The following SCFD2 variants were observed in gnomAD, a reference collection of about 807,000 sequenced individuals.
SCFD2 encodes the protein sec1 family domain-containing protein 2.
A neutral mutation model predicts 58.9 loss-of-function variants in SCFD2; 54 were observed. That is an observed-to-expected ratio of 0.92 (90% confidence interval 0.74 to 1.15). The LOEUF (loss-of-function observed/expected upper bound fraction) is 1.15, where lower values mean the gene tolerates loss of function less well. Among genes scored for constraint, SCFD2 ranks in the 50% most tolerant of loss-of-function variants. The pLI is 0.00. For synonymous variants in SCFD2, 321 were observed against 335.9 expected (o/e 0.96, Z 0.49); for missense variants, 805 against 836.6 (o/e 0.96, Z 0.47).
In SCFD2 at chr4:53,365,471, C is replaced by A; in HGVS notation, c.471G>T (p.Pro157=). 2 of 1,614,168 alleles carry A rather than the reference C, an allele frequency of 1.2e-6. No homozygotes were observed. The highest frequency in any genetic ancestry group is 1.7e-6 in the Non-Finnish European group (2 of 1,180,040). The change falls in exon 1 of 9, where the codon CCG becomes CCT. Residue 157 remains proline (P), a synonymous_variant. Transcript: ENST00000401642. This position sits in a 1 kb window ranked among gnomAD's most constrained non-coding sequence, Gnocchi z 4.3. ...MNYTAEVFHV[P]LLLAPVAPHF... Reference sequence around the variant, plus strand: ...GGGGAGCAACAGGGGCAAGCAATAACGGGACATGGAACACCTCGGCCGTGT... The same window carrying A: ...GGGGAGCAACAGGGGCAAGCAATAAAGGGACATGGAACACCTCGGCCGTGT...
At chr4:53,329,842 T>A (rs1205088809) in intron 2 of SCFD2, among the ~76,000 whole-genome samples, 2 of 148,758 alleles carry the variant, frequency 1.3e-5, no homozygotes, top group African/African-American at 4.9e-5. Context: ...AGTTGAAAAC[T>A]TTGAAAAAAA....
At chr4:53,184,217 C>T (rs1727674565) in intron 4 of SCFD2, among the ~76,000 whole-genome samples, 1 of 151,960 alleles carries the variant, frequency 6.6e-6, no homozygotes, top group Non-Finnish European at 1.5e-5. Context: ...CACATGGTTA[C>T]CTAGGGAAAA....
chr4:52,936,845 A>C (rs1355801522), intron 5 of SCFD2, among the ~76,000 whole-genome samples: 7 of 152,168 alleles, frequency 4.6e-5, no homozygotes, highest in Admixed American at 4.6e-4. Context: ...CTACTCCATT[A>C]TTTACTCAGT....
chr4:52,999,793 T>C lies in SCFD2; in HGVS notation c.1562-78923A>G, dbSNP rs528619862. ...AAAGAGAACACCATCTGTTGCATTA[T>C]GATCATCACGGTTCAAGGTCAGGCC... On this transcript the variant is annotated intron_variant, in intron 5 of 8. Coordinates refer to ENST00000401642, the MANE Select transcript of SCFD2 (RefSeq NM_152540.4). Among the ~76,000 whole-genome samples, 30 of 152,356 alleles carry C rather than the reference T, an allele frequency of 2.0e-4. No individual in the cohort carries two copies. In the South Asian group the frequency reaches 6.2e-3, roughly 32 times the overall value.
At chr4:53,321,931 C>G (rs1259164265) in intron 2 of SCFD2, among the ~76,000 whole-genome samples, 1 of 152,096 alleles carries the variant, frequency 6.6e-6, no homozygotes, top group Non-Finnish European at 1.5e-5. Flanking sequence ...CTGTGAGCAT[C>G]CTCCCACACC....
At chr4:53,134,338 T>C (rs1725876558) in intron 5 of SCFD2, among the ~76,000 whole-genome samples, 1 of 151,358 alleles carries the variant, frequency 6.6e-6, no homozygotes, top group African/African-American at 2.4e-5. Flanking sequence ...GATCTCATGT[T>C]AAGTGTTCTT....
At chr4:53,045,897 A>G (rs1354472469) in intron 5 of SCFD2, among the ~76,000 whole-genome samples, 1 of 151,858 alleles carries the variant, frequency 6.6e-6, no homozygotes, top group South Asian at 2.1e-4. Context: ...TAACTTCTTA[A>G]AATATAAATG....
chr4:53,218,674 G>A (rs114511657), intron 4 of SCFD2, among the ~76,000 whole-genome samples: 402 of 152,272 alleles, frequency 2.6e-3, no homozygotes, highest in African/African-American at 9.0e-3. Context: ...GCTTTCTTCC[G>A]TTGCTGGCGA....
intron 4 of SCFD2, among the ~76,000 whole-genome samples, chr4:53,238,183 AC>A (rs1225799082): frequency 9.5e-4 from 115 of 121,660 alleles, no homozygotes; most frequent in African/African-American, 3.5e-3. Context: ...CGGGGGGCTG[AC>A]CCCCCCACCT....
chr4:53,275,376 G>GT (rs757138631), intron 3 of SCFD2, among the ~76,000 whole-genome samples: 7 of 152,134 alleles, frequency 4.6e-5, no homozygotes, highest in Non-Finnish European at 8.8e-5. Context: ...AAGTAGGAGG[G>GT]TGAGTCTCAT....
At chr4:53,105,691 G>C (rs888606161) in intron 5 of SCFD2, among the ~76,000 whole-genome samples, 2 of 152,156 alleles carry the variant, frequency 1.3e-5, no homozygotes, top group Non-Finnish European at 1.5e-5. Context: ...CCCCAGTCAG[G>C]GGCTTATAGA....
chr4:53,200,568 T>C (rs981543103), intron 4 of SCFD2, among the ~76,000 whole-genome samples: 3 of 152,118 alleles, frequency 2.0e-5, no homozygotes, highest in African/African-American at 7.2e-5. Context: ...CAATAATCTG[T>C]TTCTGGAAAG....
chr4:53,295,492 C>T (rs1164504557), intron 3 of SCFD2, among the ~76,000 whole-genome samples: 4 of 152,128 alleles, frequency 2.6e-5, no homozygotes, highest in South Asian at 4.1e-4. Flanking sequence ...GACTTTGTAT[C>T]GTGAGACTTT....
chr4:53,029,982 A>T (rs1722575501), intron 5 of SCFD2, among the ~76,000 whole-genome samples: 4 of 152,212 alleles, frequency 2.6e-5, no homozygotes. Context: ...TGGTAAATTG[A>T]ATATAATAAA....
chr4:53,193,647 C>T (rs1241805630), intron 4 of SCFD2, among the ~76,000 whole-genome samples: 2 of 152,086 alleles, frequency 1.3e-5, no homozygotes, highest in Non-Finnish European at 2.9e-5. Context: ...AAGCCAAGAG[C>T]AGTTACTTAT....
At chr4:52,961,693 T>C (rs1170861824) in intron 5 of SCFD2, among the ~76,000 whole-genome samples, 3 of 152,204 alleles carry the variant, frequency 2.0e-5, no homozygotes, top group Admixed American at 2.0e-4. Context: ...GAGATGCCAC[T>C]GACGACTTAT....
At chr4:52,882,398 G>C (rs1718638662) in intron 8 of SCFD2, among the ~76,000 whole-genome samples, 1 of 152,176 alleles carries the variant, frequency 6.6e-6, no homozygotes, top group Admixed American at 6.5e-5. Context: ...TTAGAACCAA[G>C]AATGAAGCCC....
intron 5 of SCFD2, among the ~76,000 whole-genome samples, chr4:53,093,288 G>T (rs990865876): frequency 6.6e-6 from 1 of 152,084 alleles, no homozygotes; most frequent in Non-Finnish European, 1.5e-5. Flanking sequence ...GGCATGTTTT[G>T]ACTTATATTT....
intron 2 of SCFD2, among the ~76,000 whole-genome samples, chr4:53,327,644 G>A (rs564946894): frequency 6.6e-6 from 1 of 152,288 alleles, no homozygotes; most frequent in Non-Finnish European, 1.5e-5. Flanking sequence ...GGAAAAGGCA[G>A]CAATGTTGAC....
Sources: gnomAD v4.1 joint callset for allele counts (sites outside exome capture counted in the v4.1 genomes callset) on GRCh38, gnomAD v4.1.1 for gene constraint, Gnocchi (gnomAD v3.1) non-coding constraint, MANE v1.5 for transcripts, NCBI Gene and HGNC (gene_info 2026-07-23, HGNC 2026-07-21) for gene names.